Variants in NRG1 observed in about 807,000 individuals in gnomAD.
NRG1 encodes neuregulin 1.
Under a neutral mutation model 63.8 loss-of-function variants are expected in NRG1, and 18 were observed. The ratio of observed to expected loss-of-function variants is 0.28; its 90% CI spans 0.19 to 0.42. The LOEUF (loss-of-function observed/expected upper bound fraction) is 0.42, where lower values mean the gene tolerates loss of function less well. NRG1 is among the 10% of genes least tolerant of loss of function. The pLI is 1.00. For missense variants in NRG1, 762 were observed against 814.7 expected (o/e 0.94, Z 0.79); for synonymous variants, 302 against 301.3 (o/e 1.00, Z -0.02).
chr8:32,020,252 T>C (rs1038096109), intron 1 of NRG1, among the ~76,000 whole-genome samples: 6 of 152,218 alleles, frequency 3.9e-5, no homozygotes, highest in African/African-American at 1.4e-4. Flanking sequence ...GTATTTGTTT[T>C]TGATGCTATG....
intron 1 of NRG1, among the ~76,000 whole-genome samples, chr8:31,954,952 A>C (rs1049991130): frequency 6.6e-6 from 1 of 152,154 alleles, no homozygotes; most frequent in Non-Finnish European, 1.5e-5. Flanking sequence ...CTAAAGGAGA[A>C]TATTTCTTAT....
downstream of NRG1, among the ~76,000 whole-genome samples, chr8:32,770,011 G>T (rs190190256): frequency 1.3e-3 from 201 of 152,278 alleles, 1 homozygote; most frequent in Non-Finnish European, 2.2e-3. Flanking sequence ...AATTTTTAAA[G>T]AAGAGACAGA....
chr8:31,936,161 G>A (rs1016871414), intron 1 of NRG1, among the ~76,000 whole-genome samples: 7 of 152,062 alleles, frequency 4.6e-5, no homozygotes, highest in Admixed American at 2.0e-4. Flanking sequence ...TCCTCTATAG[G>A]GAAAAGACAA....
intron 1 of NRG1, among the ~76,000 whole-genome samples, chr8:32,017,852 T>C (rs1315381339): frequency 6.6e-6 from 1 of 152,158 alleles, no homozygotes; most frequent in Non-Finnish European, 1.5e-5. Context: ...AGAGGCTTCA[T>C]TACGAAAGCA....
intron 1 of NRG1, among the ~76,000 whole-genome samples, chr8:32,319,656 A>G (rs1801150039): frequency 6.6e-6 from 1 of 152,170 alleles, no homozygotes; most frequent in East Asian, 1.9e-4. Flanking sequence ...TTTTTAAATT[A>G]AAAGGAGTAC....
intron 1 of NRG1, among the ~76,000 whole-genome samples, chr8:32,539,062 T>C (rs531426361): frequency 5.9e-5 from 9 of 152,186 alleles, no homozygotes; most frequent in Non-Finnish European, 1.2e-4. Context: ...GTTAAAATCA[T>C]AGAGGCAAGA....
upstream of NRG1, among the ~76,000 whole-genome samples, chr8:32,545,428 A>G (rs1371607110): frequency 6.6e-6 from 1 of 152,192 alleles, no homozygotes; most frequent in Non-Finnish European, 1.5e-5. Context: ...ACAAATTAAT[A>G]AAATTAAACC....
intron 1 of NRG1, among the ~76,000 whole-genome samples, chr8:32,290,751 A>G (rs1484571027): frequency 6.6e-6 from 1 of 152,204 alleles, no homozygotes; most frequent in Non-Finnish European, 1.5e-5. Flanking sequence ...TATTTGCTGC[A>G]AACTCTTTTT....
At chr8:32,339,442 A>T (rs1369172885) in intron 1 of NRG1, among the ~76,000 whole-genome samples, 1 of 152,226 alleles carries the variant, frequency 6.6e-6, no homozygotes, top group Non-Finnish European at 1.5e-5. Flanking sequence ...ACCTAAAAAG[A>T]TAGTGAAATT....
chr8:32,354,000 G>T lies in NRG1; in HGVS notation c.38-241828G>T, dbSNP rs1372734701. 2.0e-5 allele frequency among the ~76,000 whole-genome samples: 3 copies of T among 152,168 alleles called. No homozygotes were observed. In the East Asian group the frequency reaches 5.8e-4, roughly 29 times the overall value. ...TGGAATACTACTCAGTAATAAAAAG[G>T]AATGAACAATTGACACATGCTACAA... On this transcript the variant is annotated intron_variant, in intron 1 of 10. Transcript: ENST00000519301.
At chr8:31,942,681 C>G (rs960317804) in intron 1 of NRG1, among the ~76,000 whole-genome samples, 1 of 151,878 alleles carries the variant, frequency 6.6e-6, no homozygotes, top group Non-Finnish European at 1.5e-5. Flanking sequence ...AGAATTGAAG[C>G]AAATTAGCAA....
intron 1 of NRG1, among the ~76,000 whole-genome samples, chr8:31,686,871 G>A (rs1397929845): frequency 6.6e-6 from 1 of 151,948 alleles, no homozygotes; most frequent in African/African-American, 2.4e-5. Flanking sequence ...TTGGTTCAAC[G>A]ATTTCTCTGT....
At chr8:31,893,857 A>G (rs945548574) in intron 1 of NRG1, among the ~76,000 whole-genome samples, 1 of 152,064 alleles carries the variant, frequency 6.6e-6, no homozygotes, top group African/African-American at 2.4e-5. Context: ...CACATCTTAA[A>G]TACTTATAAA....
chr8:31,897,255 C>T (rs377239596), intron 1 of NRG1, among the ~76,000 whole-genome samples: 1 of 151,944 alleles, frequency 6.6e-6, no homozygotes, highest in African/African-American at 2.4e-5. Context: ...CTCAATATTC[C>T]CTCCTCCCTT....
chr8:32,009,717 T>G (rs2129896172), intron 1 of NRG1, among the ~76,000 whole-genome samples: 1 of 152,140 alleles, frequency 6.6e-6, no homozygotes, highest in Non-Finnish European at 1.5e-5. Flanking sequence ...GACTAGATCT[T>G]AGCCATTGTT....
intron 1 of NRG1, among the ~76,000 whole-genome samples, chr8:31,828,846 A>G (rs1307581014): frequency 2.0e-5 from 3 of 152,210 alleles, no homozygotes; most frequent in Non-Finnish European, 4.4e-5. Context: ...TTGCAGATGA[A>G]TTCTAATATC....
At chr8:31,931,258 T>C (rs542260572) in intron 1 of NRG1, among the ~76,000 whole-genome samples, 3 of 152,172 alleles carry the variant, frequency 2.0e-5, no homozygotes, top group African/African-American at 7.2e-5. Context: ...ATTGCTACCA[T>C]ATACTTCTCT....
intron 5 of NRG1, among the ~76,000 whole-genome samples, chr8:32,697,877 C>G (rs1400469361): frequency 6.6e-6 from 1 of 152,048 alleles, no homozygotes; most frequent in Non-Finnish European, 1.5e-5. Flanking sequence ...ATCACTGATA[C>G]CTCAATATAA....
chr8:32,340,980 G>A (rs1804001275), intron 1 of NRG1, among the ~76,000 whole-genome samples: 1 of 152,182 alleles, frequency 6.6e-6, no homozygotes, highest in Non-Finnish European at 1.5e-5. Context: ...ACATTGAGTG[G>A]CCCTGTATGA....
Sources: allele counts gnomAD v4.1 joint callset (sites outside exome capture counted in the v4.1 genomes callset), GRCh38; gene constraint gnomAD v4.1.1; transcripts MANE v1.5; gene names NCBI Gene and HGNC (gene_info 2026-07-23, HGNC 2026-07-21).